The following SLC9C1 variants were observed in gnomAD, a reference collection of about 807,000 sequenced individuals.
SLC9C1 encodes solute carrier family 9 member C1.
A neutral mutation model predicts 140.9 loss-of-function variants in SLC9C1; 97 were observed. The ratio of observed to expected loss-of-function variants is 0.69; its 90% CI spans 0.58 to 0.82. SLC9C1 has a LOEUF of 0.82. SLC9C1 is among the 40% of genes least tolerant of loss of function. The pLI is 0.00. For missense variants in SLC9C1, 1,340 were observed against 1,389.3 expected, an observed-to-expected ratio of 0.96 and a Z score of 0.56; for synonymous variants, 440 against 442.6, an observed-to-expected ratio of 0.99 and a Z score of 0.07.
At chr3:112,236,809 T>C (rs1398793026) in intron 12 of SLC9C1, among the ~76,000 whole-genome samples, 5 of 152,330 alleles carry the variant, frequency 3.3e-5, no homozygotes, top group Admixed American at 1.3e-4. Context: ...TGAGTTCTAG[T>C]TTGATTGCAC....
chr3:112,284,501 T>C (rs1252863729), intron 2 of SLC9C1, among the ~76,000 whole-genome samples: 1 of 152,218 alleles, frequency 6.6e-6, no homozygotes, highest in African/African-American at 2.4e-5. Context: ...AAGCTTCAGA[T>C]AGAATGTTAC....
At chr3:112,254,517 T>TG (rs2079550025) in intron 10 of SLC9C1, among the ~76,000 whole-genome samples, 2 of 95,518 alleles carry the variant, frequency 2.1e-5, no homozygotes, top group South Asian at 4.6e-4. Flanking sequence ...GAAATAAATT[T>TG]TTTTTATTTC....
At chr3:112,181,762 A>C (rs1163742754) in intron 21 of SLC9C1, among the ~76,000 whole-genome samples, 1 of 152,218 alleles carries the variant, frequency 6.6e-6, no homozygotes, top group African/African-American at 2.4e-5. Context: ...ATGTTTCCAG[A>C]AAAGAAATAA....
At chr3:112,219,642 A>G (rs1907763) in intron 14 of SLC9C1, among the ~76,000 whole-genome samples, 114,745 of 151,980 alleles carry the variant, frequency 0.76, 43,727 homozygotes, top group East Asian at 0.99. Flanking sequence ...GCAGTGGCAC[A>G]ATCTCAGCTC....
chr3:112,206,556 C>T (rs181390338), intron 16 of SLC9C1, among the ~76,000 whole-genome samples: 101 of 152,210 alleles, frequency 6.6e-4, no homozygotes, highest in African/African-American at 2.1e-3. Context: ...ATGTCTATTG[C>T]GGCACCATTC....
intron 10 of SLC9C1, among the ~76,000 whole-genome samples, chr3:112,258,867 G>A (rs1248454391): frequency 2.0e-5 from 3 of 152,158 alleles, no homozygotes; most frequent in Admixed American, 2.0e-4. Context: ...CACGGCAGAA[G>A]GCAAAGGGGA....
At chr3:112,248,488 T>A (rs1056990301) in intron 10 of SLC9C1, among the ~76,000 whole-genome samples, 3 of 152,228 alleles carry the variant, frequency 2.0e-5, no homozygotes, top group African/African-American at 7.2e-5. Context: ...TACTATGACA[T>A]GTTTTTGATG....
At chr3:112,177,712 A>T (rs1273357516) in intron 23 of SLC9C1, among the ~76,000 whole-genome samples, 8 of 144,318 alleles carry the variant, frequency 5.5e-5, no homozygotes, top group South Asian at 4.5e-4. Context: ...GATGAAAAAA[A>T]TTTTTTTTCA....
chr3:112,237,523 C>T (rs1033466370), intron 12 of SLC9C1, among the ~76,000 whole-genome samples: 1 of 152,060 alleles, frequency 6.6e-6, no homozygotes, highest in African/African-American at 2.4e-5. Context: ...TTATTTTGCT[C>T]GTTAGTTGAT....
rs778879672 is a variant in SLC9C1 at position 112,217,442 on chromosome 3, T to C, written c.1790A>G (p.Lys597Arg). 3 of 1,583,342 alleles carry C rather than the reference T, an allele frequency of 1.9e-6. No individual in the cohort carries two copies. In the South Asian group the frequency reaches 3.5e-5, roughly 19 times the overall value. ...NTRKEKEGPS[K>R]YFFFRICHTI... Reference sequence around the variant, plus strand: ...TCTTATAAGGTTCAAAAGCACTTACTTTGATGGGCCCTCTTTTTCCTTTCT... The same window carrying C: ...TCTTATAAGGTTCAAAAGCACTTACCTTGATGGGCCCTCTTTTTCCTTTCT... The change falls in exon 15 of 29, where the codon AAA becomes AGA. Residue 597 changes from lysine (K) to arginine (R), a missense_variant and splice_region_variant. Transcript: ENST00000305815.
At chr3:112,238,521 A>T (rs13078336) in intron 12 of SLC9C1, among the ~76,000 whole-genome samples, 44,903 of 151,918 alleles carry the variant, frequency 0.3, 7,177 homozygotes, top group East Asian at 0.43. Context: ...CCTTTGGAGG[A>T]GGAGAGGTGC....
At chr3:112,153,853 C>A (rs896643818) in intron 27 of SLC9C1, among the ~76,000 whole-genome samples, 3 of 152,178 alleles carry the variant, frequency 2.0e-5, no homozygotes, top group Admixed American at 6.5e-5. Context: ...GAATTCCATT[C>A]AACAGGCAAT....
At chr3:112,190,201 T>G (rs551935619) in intron 20 of SLC9C1, among the ~76,000 whole-genome samples, 1 of 152,326 alleles carries the variant, frequency 6.6e-6, no homozygotes, top group South Asian at 2.1e-4. Flanking sequence ...TGACTTCCTC[T>G]TTTCCTAATG....
At chr3:112,202,766 C>A (rs4234409) in intron 17 of SLC9C1, among the ~76,000 whole-genome samples, 115,111 of 151,812 alleles carry the variant, frequency 0.76, 44,014 homozygotes, top group East Asian at 0.99. Context: ...CATGCTAAAT[C>A]TCCTATAACA....
intron 20 of SLC9C1, among the ~76,000 whole-genome samples, chr3:112,186,630 A>G (rs1475692200): frequency 2.0e-5 from 3 of 152,214 alleles, no homozygotes; most frequent in African/African-American, 7.2e-5. Flanking sequence ...TGAAAATACA[A>G]AATGTTAAAA....
chr3:112,265,398 G>C (rs13092211), intron 8 of SLC9C1, among the ~76,000 whole-genome samples: 44,998 of 151,860 alleles, frequency 0.3, 7,223 homozygotes, highest in East Asian at 0.43. Context: ...TTGCCTAAGT[G>C]CAAGTACAAT....
chr3:112,153,780 G>A (rs902796348), intron 27 of SLC9C1, among the ~76,000 whole-genome samples: 1 of 152,170 alleles, frequency 6.6e-6, no homozygotes, highest in African/African-American at 2.4e-5. Flanking sequence ...GGTAGAATCT[G>A]AGTCAATTCC....
chr3:112,149,011 A>G (rs2074882369), intron 28 of SLC9C1, among the ~76,000 whole-genome samples: 1 of 152,154 alleles, frequency 6.6e-6, no homozygotes. Context: ...TGTGTGGAGC[A>G]GAGATGGCCC....
intron 7 of SLC9C1, among the ~76,000 whole-genome samples, chr3:112,269,348 G>A (rs1272063244): frequency 1.3e-5 from 2 of 152,156 alleles, no homozygotes; most frequent in East Asian, 1.9e-4. Context: ...GGGCTCAGTT[G>A]ATCCTCCTGC....
Sources: gnomAD v4.1 joint callset for allele counts (sites outside exome capture counted in the v4.1 genomes callset) on GRCh38, gnomAD v4.1.1 for gene constraint, MANE v1.5 for transcripts, NCBI Gene and HGNC (gene_info 2026-07-23, HGNC 2026-07-21) for gene names.